Variants in ANKRD29 observed in about 807,000 individuals in gnomAD.
The protein encoded by ANKRD29 is ankyrin repeat domain-containing protein 29.
ANKRD29 carries 32 observed loss-of-function variants against 38.0 expected under a neutral mutation model. The observed-to-expected ratio is 0.84, with a 90% CI of 0.64 to 1.13. The LOEUF is 1.13. Ranked by LOEUF, ANKRD29 falls within the 50% of genes most tolerant of loss-of-function variation. The pLI, the probability that ANKRD29 is intolerant of heterozygous loss-of-function variation, is 0.00. For missense variants in ANKRD29, 357 were observed against 377.9 expected, an observed-to-expected ratio of 0.94 and a Z score of 0.46; for synonymous variants, 135 against 152.4, an observed-to-expected ratio of 0.89 and a Z score of 0.84.
At position 23,649,108 on chromosome 18, in the gene ANKRD29, C is replaced by T. The variant is rs760476864; in HGVS notation, c.107G>A (p.Arg36Gln). The T allele has an allele frequency of 1.5e-5, 24 of 1,614,164 alleles. No individual in the cohort carries two copies. The highest frequency in any genetic ancestry group is 6.7e-5 in the East Asian group (3 of 44,890). ...ALLKLLLNSG[R>Q]VDVDCRDSHG... ...GCTGTCTCTGCAGTCCACGTCCACC[C>T]GGCCGCTGTTCAACAGCAGCTTCAG... is the stretch of plus-strand genomic sequence containing the variant. The change falls in exon 2 of 10, where the codon CGG becomes CAG. Residue 36 changes from arginine (R) to glutamine (Q), a missense_variant. Physicochemically the swap from Arg to Gln is conservative, Grantham distance 43 (BLOSUM62 1). Transcript: ENST00000592179.
At chr18:23,637,106 G>T (rs1434826616) in intron 4 of ANKRD29, among the ~76,000 whole-genome samples, 1 of 152,100 alleles carries the variant, frequency 6.6e-6, no homozygotes, top group Non-Finnish European at 1.5e-5. Flanking sequence ...ATGTACAAAG[G>T]CTTTAAGCCA....
intron 6 of ANKRD29, 95 bp downstream of exon 6, chr18:23,629,758 T>A: frequency 1.1e-6 from 1 of 952,000 alleles, no homozygotes. Context: ...TGCCTTGAGC[T>A]TACTGGTTAT....
chr18:23,619,428 TG>T, intron 7 of ANKRD29, 102 bp downstream of exon 7: 2 of 1,119,620 alleles, frequency 1.8e-6, no homozygotes, highest in Non-Finnish European at 2.5e-6. Flanking sequence ...GGAAGGAGGT[TG>T]GGAGGAAACC....
intron 2 of ANKRD29, chr18:23,648,565 G>A (rs559910719): frequency 4.6e-6 from 1 of 216,268 alleles, no homozygotes; most frequent in African/African-American, 2.3e-5. Context: ...TCTCTAAGTG[G>A]TATCTGCCAG....
chr18:23,617,133 C>T (rs1309197382), intron 8 of ANKRD29, among the ~76,000 whole-genome samples: 2 of 152,170 alleles, frequency 1.3e-5, no homozygotes, highest in African/African-American at 2.4e-5. Flanking sequence ...AGGAGAATCA[C>T]TTGAACCTGG....
In ANKRD29 at chr18:23,649,546, G is replaced by A. The variant is rs770819891; in HGVS notation, c.22-353C>T. 19 of 506,152 alleles carry A rather than the reference G, an allele frequency of 3.8e-5. 1 individual carries two copies. The highest frequency in any genetic ancestry group is 1.7e-4 in the South Asian group (11 of 65,006). The allele number at this position is 506,152 out of a possible 1,614,324, so 31.4% of individuals were successfully genotyped here. A position where few individuals can be genotyped will look rare whatever the true frequency, so the allele number is the denominator to read the frequency against. The stretch of plus-strand genomic sequence containing the variant: ...ATCCTTCAAGGCCAAGGCTCTGCTC[G>A]AATGCTATTTCCTCCCAGAAACACT... On this transcript the variant is annotated intron_variant, in intron 1 of 9. Transcript: ENST00000592179.
At chr18:23,616,779 A>T (rs1274222725) in intron 8 of ANKRD29, among the ~76,000 whole-genome samples, 1 of 146,988 alleles carries the variant, frequency 6.8e-6, no homozygotes, top group Non-Finnish European at 1.5e-5. Context: ...TATTAATATA[A>T]TAAATAATAT....
intron 3 of ANKRD29, among the ~76,000 whole-genome samples, chr18:23,639,479 T>C (rs1480086829): frequency 6.6e-6 from 1 of 151,832 alleles, no homozygotes; most frequent in East Asian, 1.9e-4. Flanking sequence ...TTATGCTAAG[T>C]GAAATAAGCT....
chr18:23,620,444 G>A (rs191122643), intron 6 of ANKRD29, among the ~76,000 whole-genome samples: 9 of 152,298 alleles, frequency 5.9e-5, no homozygotes, highest in Non-Finnish European at 1.2e-4. Flanking sequence ...ACATGCAAGG[G>A]ATGGGGAAGG....
At position 23,641,765 on chromosome 18, in the gene ANKRD29, G is replaced by A. The variant is rs575335643; in HGVS notation, c.232-2818C>T. ...TCAGCCAGATTCAAAAAGATGTCCC[G>A]ACTACCAGCTGCTGGAAGGATCTAC... is the stretch of plus-strand genomic sequence containing the variant. On this transcript the variant is annotated intron_variant, in intron 3 of 9. Coordinates refer to ENST00000592179, the MANE Select transcript of ANKRD29 (RefSeq NM_173505.4). Among the ~76,000 whole-genome samples the A allele has an allele frequency of 1.6e-3, 243 of 152,294 alleles. 1 individual carries two copies. Among genetic ancestry groups the A allele is most frequent in the African/African-American group, 5.4e-3 (226 of 41,560 alleles).
intron 2 of ANKRD29, 131 bp downstream of exon 2, chr18:23,648,951 TA>T: frequency 1.3e-6 from 1 of 759,854 alleles, no homozygotes; most frequent in Non-Finnish European, 2.1e-6. Flanking sequence ...TTGGATGTTT[TA>T]AAAAGGATAA....
Position 23,640,918 on chromosome 18 carries a change from A to G in ANKRD29, c.232-1971T>C, listed in dbSNP as rs1411119943. ...CTGAGGACAGCCTGGCCTATAAGCT[A>G]GTGATCATGCTTAAAACTTGTTCTT... On this transcript the variant is annotated intron_variant, in intron 3 of 9. Coordinates refer to ENST00000592179, the MANE Select transcript of ANKRD29 (RefSeq NM_173505.4). Among the ~76,000 whole-genome samples, 3 of 152,202 alleles carry G rather than the reference A, an allele frequency of 2.0e-5. No homozygotes were observed. In the East Asian group the frequency reaches 5.8e-4, roughly 29 times the overall value.
At chr18:23,618,256 C>T (rs1227470776) in intron 7 of ANKRD29, among the ~76,000 whole-genome samples, 1 of 152,230 alleles carries the variant, frequency 6.6e-6, no homozygotes, top group Non-Finnish European at 1.5e-5. Flanking sequence ...TTTATACAGC[C>T]TTGCCCTAGT....
chr18:23,649,610 C>G lies in ANKRD29; in HGVS notation c.22-417G>C, dbSNP rs569572127. The G allele has an allele frequency of 5.1e-5, 24 of 470,176 alleles. 1 individual carries two copies. The highest frequency in any genetic ancestry group is 3.7e-4 in the South Asian group (24 of 64,492). The allele number at this position is 470,176 out of a possible 1,614,324, so 29.1% of individuals were successfully genotyped here. On this transcript the variant is annotated intron_variant, in intron 1 of 9. Transcript: ENST00000592179. Reference sequence around the variant, plus strand: ...CACCTCTAAGTGGGGCAAAATTTCTCCCAATTCTGACCTCTCAAAAGAGTT... The same window carrying G: ...CACCTCTAAGTGGGGCAAAATTTCTGCCAATTCTGACCTCTCAAAAGAGTT...
chr18:23,652,455 A>T (rs2060221429), intron 1 of ANKRD29, among the ~76,000 whole-genome samples: 1 of 151,846 alleles, frequency 6.6e-6, no homozygotes, highest in Non-Finnish European at 1.5e-5. Context: ...GGCAGCAGTG[A>T]CCCCCGGTGA....
chr18:23,641,237 C>G (rs1230739071), intron 3 of ANKRD29, among the ~76,000 whole-genome samples: 1 of 152,194 alleles, frequency 6.6e-6, no homozygotes, highest in Non-Finnish European at 1.5e-5. Context: ...CAGGTGGGAG[C>G]CCCATCCCCT....
chr18:23,614,607 A>G (rs1599071661), intron 8 of ANKRD29, among the ~76,000 whole-genome samples: 1 of 150,752 alleles, frequency 6.6e-6, no homozygotes. Flanking sequence ...TGAGAGAATC[A>G]CTTGAGCCCA....
chr18:23,651,752 T>C (rs549732117), intron 1 of ANKRD29, among the ~76,000 whole-genome samples: 1 of 152,352 alleles, frequency 6.6e-6, no homozygotes, highest in African/African-American at 2.4e-5. Context: ...CCTCTCCAGC[T>C]GGGCTGGCCA....
At chr18:23,619,414 T>C in intron 7 of ANKRD29, 117 bp downstream of exon 7, 1 of 981,162 alleles carries the variant, frequency 1.0e-6, no homozygotes, top group East Asian at 2.8e-5. Context: ...GTTTTCCTGC[T>C]CAAGGAAGGA....
Sources: allele counts gnomAD v4.1 joint callset (sites outside exome capture counted in the v4.1 genomes callset), GRCh38; gene constraint gnomAD v4.1.1; transcripts MANE v1.5; gene names NCBI Gene and HGNC (gene_info 2026-07-23, HGNC 2026-07-21).